The following PTPRZ1 variants were observed in gnomAD, a reference collection of about 807,000 sequenced individuals.
PTPRZ1 encodes the protein protein tyrosine phosphatase receptor type Z1, also known as receptor-type tyrosine-protein phosphatase zeta.
A neutral mutation model predicts 214.1 loss-of-function variants in PTPRZ1; 82 were observed. The ratio of observed to expected loss-of-function variants is 0.38; its 90% CI spans 0.32 to 0.46. The LOEUF is 0.46. Among genes scored for constraint, PTPRZ1 ranks in the 20% least tolerant of loss-of-function variants. PTPRZ1 has a pLI of 1.00. For missense variants in PTPRZ1, 2,603 were observed against 2,748.7 expected, an observed-to-expected ratio of 0.95 and a Z score of 1.19; for synonymous variants, 945 against 987.9, an observed-to-expected ratio of 0.96 and a Z score of 0.81.
intron 1 of PTPRZ1, among the ~76,000 whole-genome samples, chr7:121,881,688 G>A (rs1389157071): frequency 2.0e-5 from 3 of 152,180 alleles, no homozygotes; most frequent in Non-Finnish European, 2.9e-5. Context: ...AGAAGGAGGA[G>A]TATGCTCTAT....
chr7:122,044,087 G>T (rs764351130), intron 22 of PTPRZ1, among the ~76,000 whole-genome samples: 1 of 152,242 alleles, frequency 6.6e-6, no homozygotes, highest in East Asian at 1.9e-4. Context: ...TAGAAGTCAA[G>T]AAAGCCCTCT....
At chr7:122,009,794 A>C (rs927648110) in intron 11 of PTPRZ1, among the ~76,000 whole-genome samples, 2 of 152,108 alleles carry the variant, frequency 1.3e-5, no homozygotes, top group Non-Finnish European at 2.9e-5. Context: ...TTAAAAAACA[A>C]AAGGAAAAGA....
At chr7:121,901,972 C>T (rs1275896634) in intron 1 of PTPRZ1, among the ~76,000 whole-genome samples, 1 of 152,178 alleles carries the variant, frequency 6.6e-6, no homozygotes, top group African/African-American at 2.4e-5. Flanking sequence ...CTGACTGTAA[C>T]TTTGTACCTG....
At chr7:121,970,895 G>A (rs1797223338) in intron 3 of PTPRZ1, among the ~76,000 whole-genome samples, 1 of 152,074 alleles carries the variant, frequency 6.6e-6, no homozygotes, top group East Asian at 1.9e-4. Context: ...TGTCCTGAAT[G>A]GTATTGCCTA....
intron 1 of PTPRZ1, among the ~76,000 whole-genome samples, chr7:121,916,017 T>C (rs1439103916): frequency 6.6e-6 from 1 of 152,162 alleles, no homozygotes; most frequent in African/African-American, 2.4e-5. Flanking sequence ...GGCTCATGCC[T>C]GTAATCCCAG....
rs376564120 is a variant in PTPRZ1 at position 122,003,915 on chromosome 7, A to G, written c.1241-699A>G. Among the ~76,000 whole-genome samples the G allele has an allele frequency of 2.6e-5, 4 of 152,310 alleles. No homozygotes were observed. In the East Asian group the frequency reaches 5.8e-4, roughly 22 times the overall value. On this transcript the variant is annotated intron_variant, in intron 10 of 29. Transcript: ENST00000393386. The stretch of plus-strand genomic sequence containing the variant: ...TTGATTCTGATTTGTTGGGACAAAC[A>G]GACGTGAATGATTGTGGTCATCAGA...
chr7:121,984,206 A>G, intron 8 of PTPRZ1, 89 bp downstream of exon 8: 1 of 1,162,406 alleles, frequency 8.6e-7, no homozygotes, highest in East Asian at 2.5e-5. Flanking sequence ...TAGAGGACTT[A>G]GAGCTTTAGA....
intron 1 of PTPRZ1, among the ~76,000 whole-genome samples, chr7:121,911,172 TA>T (rs1238340915): frequency 2.0e-5 from 3 of 152,162 alleles, no homozygotes; most frequent in Non-Finnish European, 4.4e-5. Context: ...ACTTATTTAA[TA>T]GTGCTTTCTT....
At chr7:121,913,001 G>A (rs1584631305) in intron 1 of PTPRZ1, among the ~76,000 whole-genome samples, 2 of 152,130 alleles carry the variant, frequency 1.3e-5, no homozygotes, top group South Asian at 2.1e-4. Flanking sequence ...TACAGAGCAC[G>A]TTTGCCTAGG....
intron 1 of PTPRZ1, among the ~76,000 whole-genome samples, chr7:121,890,506 A>G (rs1031001724): frequency 3.9e-5 from 6 of 152,126 alleles, no homozygotes; most frequent in African/African-American, 1.4e-4. Context: ...CTACTTCACC[A>G]TACAAATCAG....
chr7:122,018,537 A>C (rs940670674), intron 12 of PTPRZ1, among the ~76,000 whole-genome samples: 1 of 152,082 alleles, frequency 6.6e-6, no homozygotes, highest in Non-Finnish European at 1.5e-5. Context: ...GTAGAATAAA[A>C]CAATGGGTAA....
intron 11 of PTPRZ1, among the ~76,000 whole-genome samples, chr7:122,007,756 G>A (rs1798536198): frequency 6.6e-6 from 1 of 152,090 alleles, no homozygotes; most frequent in Non-Finnish European, 1.5e-5. Context: ...TAAAAATGAA[G>A]TTGTGAAGGA....
intron 1 of PTPRZ1, among the ~76,000 whole-genome samples, chr7:121,920,480 T>C (rs1012703460): frequency 1.3e-5 from 2 of 152,184 alleles, no homozygotes; most frequent in Admixed American, 1.3e-4. Flanking sequence ...GTTCCTTTAA[T>C]TGTTATTTGT....
chr7:122,053,356 G>C (rs1402646198), intron 25 of PTPRZ1, among the ~76,000 whole-genome samples: 2 of 152,198 alleles, frequency 1.3e-5, no homozygotes, highest in African/African-American at 4.8e-5. Flanking sequence ...CAGCCAAGCA[G>C]GCTGTTCTGT....
intron 2 of PTPRZ1, among the ~76,000 whole-genome samples, chr7:121,961,588 T>C (rs1485445480): frequency 2.0e-5 from 3 of 152,208 alleles, no homozygotes; most frequent in Admixed American, 2.0e-4. Flanking sequence ...GCTAACAAAC[T>C]TGAACTCATG....
At chr7:121,913,659 T>A (rs1648155393) in intron 1 of PTPRZ1, among the ~76,000 whole-genome samples, 1 of 152,144 alleles carries the variant, frequency 6.6e-6, no homozygotes, top group South Asian at 2.1e-4. Context: ...GTCCACAATA[T>A]GGAAGTTTAT....
chr7:121,988,997 G>A (rs1281172511), intron 8 of PTPRZ1, among the ~76,000 whole-genome samples: 1 of 152,088 alleles, frequency 6.6e-6, no homozygotes, highest in Non-Finnish European at 1.5e-5. Context: ...TGACAGAATT[G>A]TTATGAAATA....
intron 6 of PTPRZ1, among the ~76,000 whole-genome samples, chr7:121,979,783 G>A (rs1035414301): frequency 6.6e-6 from 1 of 152,190 alleles, no homozygotes; most frequent in Non-Finnish European, 1.5e-5. Flanking sequence ...CAATAGTGAG[G>A]TTACTTGGAT....
At chr7:121,898,515 A>T (rs1310418061) in intron 1 of PTPRZ1, among the ~76,000 whole-genome samples, 1 of 152,168 alleles carries the variant, frequency 6.6e-6, no homozygotes, top group Non-Finnish European at 1.5e-5. Flanking sequence ...GAGAAGATGG[A>T]GTCTGATGTC....
Sources: gnomAD v4.1 joint callset for allele counts (sites outside exome capture counted in the v4.1 genomes callset) on GRCh38, gnomAD v4.1.1 for gene constraint, MANE v1.5 for transcripts, NCBI Gene and HGNC (gene_info 2026-07-23, HGNC 2026-07-21) for gene names.